RGS7: variants seen among roughly 807,000 people sequenced by gnomAD.
RGS7 encodes the protein regulator of G-protein signaling 7.
A neutral mutation model predicts 81.1 loss-of-function variants in RGS7; 27 were observed. The observed-to-expected ratio is 0.33, with a 90% CI of 0.25 to 0.46. The LOEUF is 0.46. Among genes scored for constraint, RGS7 ranks in the 20% least tolerant of loss-of-function variants. RGS7 has a pLI of 1.00. For missense variants in RGS7, 396 were observed against 607.4 expected, an observed-to-expected ratio of 0.65 and a Z score of 3.66; for synonymous variants, 208 against 207.7, an observed-to-expected ratio of 1.00 and a Z score of -0.01.
intron 2 of RGS7, among the ~76,000 whole-genome samples, chr1:241,241,097 C>T (rs2076239441): frequency 6.6e-6 from 1 of 152,134 alleles, no homozygotes; most frequent in Admixed American, 6.5e-5. Context: ...TCCAGGTCTT[C>T]TGCAGTGAGA....
chr1:241,027,724 C>G (rs755628903), intron 3 of RGS7, among the ~76,000 whole-genome samples: 15 of 151,894 alleles, frequency 9.9e-5, no homozygotes, highest in Non-Finnish European at 1.9e-4. Context: ...AGAGGAGGAG[C>G]CGGCAGTTGA....
chr1:240,882,210 C>T (rs1017301747), intron 6 of RGS7, among the ~76,000 whole-genome samples: 4 of 152,150 alleles, frequency 2.6e-5, no homozygotes, highest in Admixed American at 6.5e-5. Context: ...CCACCGTGCC[C>T]GGCCTGTGCA....
intron 2 of RGS7, among the ~76,000 whole-genome samples, chr1:241,304,385 A>T (rs1159648315): frequency 6.6e-6 from 1 of 152,196 alleles, no homozygotes; most frequent in African/African-American, 2.4e-5. Context: ...CTGGAAGTAG[A>T]GAGAAGCAAG....
chr1:240,965,365 A>T lies in RGS7; in HGVS notation c.226+17714T>A, dbSNP rs537353593. Among the ~76,000 whole-genome samples the T allele has an allele frequency of 2.6e-5, 4 of 152,296 alleles. No individual in the cohort carries two copies. The South Asian group carries it at 8.3e-4, about 32-fold the overall frequency. On this transcript the variant is annotated intron_variant, in intron 4 of 18. Transcript: ENST00000440928. ...TGCACCTCCCTGCCAGTTTGCTTGC[A>T]TCTTTTTCTCTGACTTTGCATGCTT...
intron 3 of RGS7, among the ~76,000 whole-genome samples, chr1:241,043,264 T>C (rs1227083880): frequency 6.6e-6 from 1 of 151,950 alleles, no homozygotes; most frequent in Non-Finnish European, 1.5e-5. Flanking sequence ...ACTTAACTGG[T>C]TATATAATAC....
intron 2 of RGS7, among the ~76,000 whole-genome samples, chr1:241,293,159 C>G (rs1490225082): frequency 6.6e-6 from 1 of 152,146 alleles, no homozygotes; most frequent in Non-Finnish European, 1.5e-5. Context: ...AATTTCCTAT[C>G]GCCTAGCAAC....
At chr1:241,260,467 C>T (rs894708861) in intron 2 of RGS7, among the ~76,000 whole-genome samples, 4 of 152,190 alleles carry the variant, frequency 2.6e-5, no homozygotes, top group Non-Finnish European at 5.9e-5. Flanking sequence ...ACCTGCTTTA[C>T]ACAGGGCAGC....
At chr1:240,864,955 A>AT (rs71568972) in intron 9 of RGS7, among the ~76,000 whole-genome samples, 2,777 of 145,668 alleles carry the variant, frequency 0.019, 38 homozygotes, top group South Asian at 0.07. Context: ...TCCATATTCC[A>AT]TTTTTTTTTT....
intron 3 of RGS7, among the ~76,000 whole-genome samples, chr1:241,092,887 G>A: frequency 6.6e-6 from 1 of 150,670 alleles, no homozygotes. Context: ...AGAAGACAAA[G>A]AAAGGCAGAT....
chr1:241,310,487 G>C (rs2148553446), intron 2 of RGS7, among the ~76,000 whole-genome samples: 1 of 150,160 alleles, frequency 6.7e-6, no homozygotes, highest in Middle Eastern at 3.5e-3. Flanking sequence ...GTGTCTGTGT[G>C]TGAGTGAGCG....
Position 241,285,970 on chromosome 1 carries a change from A to C in RGS7, c.78+69729T>G, listed in dbSNP as rs1056036829. ...TTTTGAAAATCCATCATGAGTGCGC[A>C]TAATAACCTCAAAATGAGAGCCATG... On this transcript the variant is annotated intron_variant, in intron 2 of 18. Transcript: ENST00000440928. 3.3e-5 allele frequency among the ~76,000 whole-genome samples: 5 copies of C among 152,344 alleles called. No homozygotes were observed. The South Asian group carries it at 1.0e-3, about 32-fold the overall frequency.
At chr1:241,329,103 CTG>C (rs1478130364) in intron 2 of RGS7, among the ~76,000 whole-genome samples, 2 of 152,200 alleles carry the variant, frequency 1.3e-5, no homozygotes, top group East Asian at 1.9e-4. Flanking sequence ...AGCTTCATAT[CTG>C]TAAAATGCCA....
intron 3 of RGS7, among the ~76,000 whole-genome samples, chr1:241,053,366 T>C (rs147685375): frequency 1.5e-3 from 230 of 152,310 alleles, no homozygotes; most frequent in African/African-American, 5.3e-3. Context: ...TTAATTTGCT[T>C]TAGTAAATAT....
At chr1:240,994,452 A>T (rs995017767) in intron 3 of RGS7, among the ~76,000 whole-genome samples, 1 of 152,112 alleles carries the variant, frequency 6.6e-6, no homozygotes, top group African/African-American at 2.4e-5. Flanking sequence ...TGTGTTTTTG[A>T]TTTCAGCATC....
intron 4 of RGS7, among the ~76,000 whole-genome samples, chr1:240,967,681 G>T (rs1682562682): frequency 6.6e-6 from 1 of 152,100 alleles, no homozygotes. Flanking sequence ...CACATATGGG[G>T]AGTAGGAAAG....
rs544665344 is a variant in RGS7, at chr1:241,206,166, T to C, written c.79-107404A>G. On this transcript the variant is annotated intron_variant, in intron 2 of 18. Coordinates refer to ENST00000440928, the MANE Select transcript of RGS7 (RefSeq NM_001364886.1). Reference sequence around the variant, plus strand: ...CTGAACTAATGCAACAGCTTCTTAATTGGTTTTGCTGTTGCCATTCTTACC... The same window carrying C: ...CTGAACTAATGCAACAGCTTCTTAACTGGTTTTGCTGTTGCCATTCTTACC... Among the ~76,000 whole-genome samples the C allele has an allele frequency of 3.9e-4, 60 of 152,144 alleles. 1 individual carries two copies. Among genetic ancestry groups the C allele is most frequent in the Middle Eastern group, 3.4e-3 (1 of 294 alleles).
chr1:240,991,343 G>A (rs757631246), intron 3 of RGS7, among the ~76,000 whole-genome samples: 6 of 152,224 alleles, frequency 3.9e-5, no homozygotes, highest in Non-Finnish European at 8.8e-5. Flanking sequence ...AGGCAGCAAA[G>A]ATGACAATAA....
intron 2 of RGS7, among the ~76,000 whole-genome samples, chr1:241,215,304 G>A (rs185089410): frequency 2.1e-3 from 315 of 152,270 alleles, no homozygotes; most frequent in Non-Finnish European, 3.2e-3. Context: ...GCCCTTATAG[G>A]TTTTCAGTGA....
At chr1:241,049,271 G>C (rs991291707) in intron 3 of RGS7, among the ~76,000 whole-genome samples, 1 of 152,168 alleles carries the variant, frequency 6.6e-6, no homozygotes, top group Non-Finnish European at 1.5e-5. Flanking sequence ...TGGTTTTGGT[G>C]CCTTTTACAT....
Sources: gnomAD v4.1 joint callset for allele counts (sites outside exome capture counted in the v4.1 genomes callset) on GRCh38, gnomAD v4.1.1 for gene constraint, MANE v1.5 for transcripts, NCBI Gene and HGNC (gene_info 2026-07-23, HGNC 2026-07-21) for gene names.